PCLO: variants seen among roughly 807,000 people sequenced by gnomAD.
PCLO encodes piccolo presynaptic cytomatrix protein, also known as protein piccolo.
A neutral mutation model predicts 427.5 loss-of-function variants in PCLO; 82 were observed. The observed-to-expected ratio is 0.19, with a 90% CI of 0.16 to 0.23. The LOEUF is 0.23. Among genes scored for constraint, PCLO ranks in the 10% least tolerant of loss-of-function variants. The probability of loss-of-function intolerance (pLI) is 1.00; values close to 1 mark genes in which losing one functional copy is unlikely to be tolerated. For synonymous variants in PCLO, 2,357 were observed against 2,155.4 expected (o/e 1.09, Z -2.59); for missense variants, 6,239 against 6,115.9 (o/e 1.02, Z -0.67).
intron 22 of PCLO, among the ~76,000 whole-genome samples, chr7:82,782,254 C>T (rs62466906): frequency 0.05 from 7,672 of 152,210 alleles, 419 homozygotes; most frequent in African/African-American, 0.13. Context: ...AAACAGCCCC[C>T]TAACCTCTGA....
At chr7:83,097,266 T>A (rs1160375338) in intron 3 of PCLO, among the ~76,000 whole-genome samples, 1 of 141,402 alleles carries the variant, frequency 7.1e-6, no homozygotes, top group Non-Finnish European at 1.5e-5. Flanking sequence ...CTCACGCCTG[T>A]AATCCCAGCA....
chr7:83,084,338 T>C (rs1440551765), intron 3 of PCLO, among the ~76,000 whole-genome samples: 1 of 152,088 alleles, frequency 6.6e-6, no homozygotes, highest in Non-Finnish European at 1.5e-5. Context: ...TAAAAAAATC[T>C]TTGAAGCCCG....
At chr7:83,075,211 C>T (rs1328292455) in intron 3 of PCLO, among the ~76,000 whole-genome samples, 3 of 152,066 alleles carry the variant, frequency 2.0e-5, no homozygotes, top group Non-Finnish European at 2.9e-5. Flanking sequence ...AGTATAAGTG[C>T]TAAGTAGTAT....
At chr7:82,968,810 C>T (rs758361111) in intron 3 of PCLO, among the ~76,000 whole-genome samples, 1 of 152,058 alleles carries the variant, frequency 6.6e-6, no homozygotes. Flanking sequence ...TGAGCCACTG[C>T]GCCCAGCCCC....
chr7:82,881,948 T>C (rs150492940), intron 9 of PCLO, among the ~76,000 whole-genome samples: 6 of 152,256 alleles, frequency 3.9e-5, no homozygotes, highest in African/African-American at 1.4e-4. Flanking sequence ...CCAGCTGCTA[T>C]TGTTTCTCAT....
intron 20 of PCLO, among the ~76,000 whole-genome samples, chr7:82,817,250 A>T (rs572398693): frequency 5.5e-4 from 83 of 152,266 alleles, no homozygotes; most frequent in African/African-American, 1.9e-3. Context: ...GGTTTAAAAA[A>T]TTTTTTTGCA....
chr7:83,051,954 A>C (rs1217971675), intron 3 of PCLO, among the ~76,000 whole-genome samples: 6 of 152,088 alleles, frequency 3.9e-5, no homozygotes, highest in Admixed American at 1.3e-4. Flanking sequence ...TTTTTTTAAC[A>C]AATGGTGCTA....
At chr7:83,005,738 G>T (rs934056300) in intron 3 of PCLO, among the ~76,000 whole-genome samples, 4 of 151,512 alleles carry the variant, frequency 2.6e-5, no homozygotes, top group Non-Finnish European at 5.9e-5. Flanking sequence ...CTTTTTATTT[G>T]TTAATTATGC....
At chr7:83,142,788 G>A (rs541401314) in intron 2 of PCLO, among the ~76,000 whole-genome samples, 9 of 152,146 alleles carry the variant, frequency 5.9e-5, no homozygotes, top group African/African-American at 1.2e-4. Flanking sequence ...GTGAAACCCC[G>A]TCTCTACTAA....
chr7:82,961,395 G>A (rs1486773847), intron 4 of PCLO, among the ~76,000 whole-genome samples: 1 of 152,106 alleles, frequency 6.6e-6, no homozygotes, highest in Non-Finnish European at 1.5e-5. Flanking sequence ...AGGCATATTT[G>A]GCTGTTTTTC....
intron 3 of PCLO, among the ~76,000 whole-genome samples, chr7:83,107,672 T>A (rs1190993260): frequency 6.7e-6 from 1 of 149,312 alleles, no homozygotes; most frequent in Non-Finnish European, 1.5e-5. Context: ...AATAATTATA[T>A]ATTAGTGTGC....
chr7:82,884,200 T>C (rs1327770672), intron 9 of PCLO, among the ~76,000 whole-genome samples: 1 of 152,210 alleles, frequency 6.6e-6, no homozygotes, highest in Non-Finnish European at 1.5e-5. Context: ...TATTAAAATG[T>C]TATGTACAGT....
At position 83,155,112 on chromosome 7, in the gene PCLO, G is replaced by A. The variant is rs1244463030; in HGVS notation, c.1529C>T (p.Pro510Leu). Residue 510 changes from proline (P) to leucine (L), a missense_variant, in exon 2 of 25, where the codon CCA becomes CTA. Around this residue, in one of 5 missense-constraint regions of PCLO, gnomAD observed 4,677 missense variants for 4,468.4 expected, o/e 1.05. Coordinates refer to ENST00000333891, the MANE Select transcript of PCLO (RefSeq NM_033026.6). ...CTTTGCTGGGCCAGGCTGTTGAGGT[G>A]GGGGTTTTGTTGAGCCAGGCTGTTG... ...PSQQPGSTKPPPQQPGPAKPS... is the reference protein window; with the variant it reads ...PSQQPGSTKPLPQQPGPAKPS... The A allele has an allele frequency of 6.5e-7, 1 of 1,541,828 alleles. No homozygotes were observed. Among genetic ancestry groups the A allele is most frequent in the East Asian group, 2.3e-5 (1 of 43,766 alleles).
intron 1 of PCLO, among the ~76,000 whole-genome samples, chr7:83,158,680 C>T (rs1176012457): frequency 6.6e-6 from 1 of 151,784 alleles, no homozygotes; most frequent in East Asian, 1.9e-4. Context: ...TAATCAGAAA[C>T]AGAATTGAAA....
chr7:83,092,639 TCCTAAATGTAATAAAAACA>T (rs1235127062), intron 3 of PCLO, among the ~76,000 whole-genome samples: 1 of 151,864 alleles, frequency 6.6e-6, no homozygotes, highest in Non-Finnish European at 1.5e-5. Context: ...TCAGGACAAA[TCCTAAATGTAATAAAAACA>T]CATGAAGCAG....
At chr7:83,030,259 G>T (rs964495064) in intron 3 of PCLO, among the ~76,000 whole-genome samples, 8 of 151,912 alleles carry the variant, frequency 5.3e-5, no homozygotes, top group Non-Finnish European at 1.0e-4. Flanking sequence ...TGTGTATAGA[G>T]CAGAGAGCTA....
At chr7:82,836,866 C>A (rs528722308) in intron 15 of PCLO, among the ~76,000 whole-genome samples, 48 of 152,174 alleles carry the variant, frequency 3.2e-4, no homozygotes, top group African/African-American at 1.1e-3. Flanking sequence ...AACAAACCAA[C>A]TACAGTAAAA....
chr7:83,039,738 G>C (rs193283683), intron 3 of PCLO, among the ~76,000 whole-genome samples: 153 of 152,192 alleles, frequency 1.0e-3, no homozygotes, highest in Middle Eastern at 3.4e-3. Flanking sequence ...AAAATAACCA[G>C]CTTAAATTTT....
rs1795453926 is a variant in PCLO, at chr7:82,954,451, C to G, written c.6502G>C (p.Glu2168Gln). 2 of 1,613,790 alleles carry G rather than the reference C, an allele frequency of 1.2e-6. No individual in the cohort carries two copies. Among genetic ancestry groups the G allele is most frequent in the Non-Finnish European group, 8.5e-7 (1 of 1,179,832 alleles). The change falls in exon 5 of 25, where the codon GAG becomes CAG. Residue 2168 changes from glutamate to glutamine, a missense_variant. By Grantham distance (29) the Glu-to-Gln change is conservative. Coordinates refer to ENST00000333891, the MANE Select transcript of PCLO (RefSeq NM_033026.6). The stretch of plus-strand genomic sequence containing the variant: ...ACAGATGTAGCACTTTCTGAAGGCT[C>G]CGAGTAGGTCAAAATCAGCGATTCA... Reference protein sequence around the residue: ...AHESLILTYSEPSESATSVPP... With the variant: ...AHESLILTYSQPSESATSVPP...
Sources: allele counts gnomAD v4.1 joint callset (sites outside exome capture counted in the v4.1 genomes callset), GRCh38; gene constraint gnomAD v4.1.1; regional missense constraint gnomAD v4.1.1; transcripts MANE v1.5; gene names NCBI Gene and HGNC (gene_info 2026-07-23, HGNC 2026-07-21).